TENM4: variants seen among roughly 807,000 people sequenced by gnomAD.
TENM4 encodes the protein teneurin transmembrane protein 4, also known as teneurin-4.
In TENM4, 82 loss-of-function variants were observed where a neutral mutation model predicts 243.3. That is an observed-to-expected ratio of 0.34 (90% CI 0.28 to 0.40). TENM4 has a LOEUF of 0.40. TENM4 is among the 10% of genes least tolerant of loss of function. TENM4 has a pLI of 1.00. For synonymous variants in TENM4, 1,412 were observed against 1,456.3 expected (o/e 0.97, Z 0.69); for missense variants, 3,138 against 3,673.3 (o/e 0.85, Z 3.77).
Position 79,213,918 on chromosome 11 carries a change from T to C in TENM4, c.-163+1890A>G, listed in dbSNP as rs1405427362. ...GGTTGTGGGAGTCAAATGAGATGCA[T>C]CATTCAACTACTTGGCACAGTGCCT... On this transcript the variant is annotated intron_variant, in intron 3 of 33. Coordinates refer to ENST00000278550, the MANE Select transcript of TENM4 (RefSeq NM_001098816.3). Among the ~76,000 whole-genome samples the C allele has an allele frequency of 4.6e-5, 7 of 152,264 alleles. No individual in the cohort carries two copies. In the East Asian group the frequency reaches 9.6e-4, roughly 21 times the overall value.
At chr11:79,186,551 G>A (rs749863100) in intron 3 of TENM4, among the ~76,000 whole-genome samples, 3 of 152,182 alleles carry the variant, frequency 2.0e-5, no homozygotes, top group Non-Finnish European at 2.9e-5. Flanking sequence ...TCTTCTTACT[G>A]TAATGCCTAA....
intron 6 of TENM4, among the ~76,000 whole-genome samples, chr11:78,982,386 T>C (rs929893695): frequency 6.6e-6 from 1 of 152,230 alleles, no homozygotes; most frequent in Admixed American, 6.5e-5. Context: ...GGAGTTGTCC[T>C]CTTCCTCAGG....
chr11:79,079,658 A>G (rs1429853778), intron 4 of TENM4, among the ~76,000 whole-genome samples: 1 of 152,052 alleles, frequency 6.6e-6, no homozygotes, highest in East Asian at 1.9e-4. Context: ...GGTGAAACCC[A>G]TCTCTACGAA....
intron 6 of TENM4, among the ~76,000 whole-genome samples, chr11:79,004,119 C>T (rs919333640): frequency 1.3e-5 from 2 of 152,082 alleles, no homozygotes; most frequent in African/African-American, 2.4e-5. Context: ...TCATCCAACA[C>T]CGGAGAACTC....
At chr11:78,718,093 G>C (rs780754240) in intron 25 of TENM4, among the ~76,000 whole-genome samples, 76 of 152,140 alleles carry the variant, frequency 5.0e-4, no homozygotes, top group Non-Finnish European at 5.6e-4. Flanking sequence ...ACTGGGAGTG[G>C]CTGGGACAGT....
chr11:79,316,815 A>G (rs906183760), intron 1 of TENM4, among the ~76,000 whole-genome samples: 2 of 152,146 alleles, frequency 1.3e-5, no homozygotes, highest in South Asian at 2.1e-4. Flanking sequence ...CCCACCACCA[A>G]CCAAAAAATT....
At chr11:79,348,139 CA>C (rs746733294) in intron 1 of TENM4, among the ~76,000 whole-genome samples, 1 of 152,276 alleles carries the variant, frequency 6.6e-6, no homozygotes, top group Non-Finnish European at 1.5e-5. Context: ...TGGACAAAAC[CA>C]TTTTTTGAGC....
chr11:78,859,479 A>G (rs551200319), intron 10 of TENM4, among the ~76,000 whole-genome samples: 1 of 152,374 alleles, frequency 6.6e-6, no homozygotes, highest in Admixed American at 6.5e-5. Flanking sequence ...ATATGCAATC[A>G]TGTCTATAAA....
At chr11:78,712,880 T>C (rs1164576648) in intron 25 of TENM4, among the ~76,000 whole-genome samples, 166 bp from the exon 26 acceptor site, 1 of 152,180 alleles carries the variant, frequency 6.6e-6, no homozygotes, top group Non-Finnish European at 1.5e-5. Flanking sequence ...ACCTCAGTCA[T>C]TGGCTTAACT....
At chr11:79,427,352 A>T (rs1264198075) in intron 1 of TENM4, among the ~76,000 whole-genome samples, 1 of 152,250 alleles carries the variant, frequency 6.6e-6, no homozygotes, top group Non-Finnish European at 1.5e-5. Context: ...GGTGGTGAGA[A>T]ATGGAATACA....
At chr11:79,394,351 G>A (rs1365686318) in intron 1 of TENM4, among the ~76,000 whole-genome samples, 2 of 152,174 alleles carry the variant, frequency 1.3e-5, no homozygotes, top group Non-Finnish European at 2.9e-5. Context: ...AGAAGCACAA[G>A]GGGAGAGAAC....
chr11:79,427,254 C>A (rs577488373), intron 1 of TENM4, among the ~76,000 whole-genome samples: 4 of 152,152 alleles, frequency 2.6e-5, no homozygotes, highest in African/African-American at 9.7e-5. Context: ...GCTGCATTAT[C>A]TTTGACCTAG....
chr11:78,991,911 G>T (rs1858056661), intron 6 of TENM4, among the ~76,000 whole-genome samples: 1 of 152,104 alleles, frequency 6.6e-6, no homozygotes, highest in Non-Finnish European at 1.5e-5. Context: ...GAACAGGAGG[G>T]GTGGCAGGAA....
intron 6 of TENM4, among the ~76,000 whole-genome samples, chr11:79,010,672 GACTT>G (rs895320626): frequency 1.3e-5 from 2 of 152,132 alleles, no homozygotes; most frequent in African/African-American, 4.8e-5. Context: ...GATCTTGTGA[GACTT>G]ACTATCACGG....
intron 7 of TENM4, among the ~76,000 whole-genome samples, chr11:78,900,669 A>G (rs1322237051): frequency 6.6e-6 from 1 of 152,128 alleles, no homozygotes; most frequent in Admixed American, 6.5e-5. Context: ...TCTTATCCCA[A>G]TTTATAGATG....
intron 18 of TENM4, among the ~76,000 whole-genome samples, chr11:78,760,554 G>C (rs1321113002): frequency 6.6e-6 from 1 of 152,230 alleles, no homozygotes; most frequent in Non-Finnish European, 1.5e-5. Context: ...ATTTTCTAGA[G>C]AGGAACTTTT....
At chr11:78,709,683 C>T (rs1225132650) in intron 26 of TENM4, among the ~76,000 whole-genome samples, 1 of 152,146 alleles carries the variant, frequency 6.6e-6, no homozygotes, top group Non-Finnish European at 1.5e-5. Flanking sequence ...TTGACAAGCA[C>T]CTTGGGTGAT....
rs1858540257 is a variant in TENM4, at chr11:79,405,104, T to G, written c.-321+35405A>C. On this transcript the variant is annotated intron_variant, in intron 1 of 33. Coordinates refer to ENST00000278550, the MANE Select transcript of TENM4 (RefSeq NM_001098816.3). Reference sequence around the variant, plus strand: ...TTACATTTTTTACAGCTTGACTCTTTGGTTTAGTAAATTGTTATGCCTTTC... The same window carrying G: ...TTACATTTTTTACAGCTTGACTCTTGGGTTTAGTAAATTGTTATGCCTTTC... 3.3e-5 allele frequency among the ~76,000 whole-genome samples: 5 copies of G among 152,324 alleles called. No homozygotes were observed. The South Asian group carries it at 1.0e-3, about 32-fold the overall frequency.
At chr11:79,229,994 C>CTTT (rs60636115) in intron 2 of TENM4, among the ~76,000 whole-genome samples, 191 of 132,664 alleles carry the variant, frequency 1.4e-3, no homozygotes, top group African/African-American at 5.2e-3. Flanking sequence ...GTTTGGCTAA[C>CTTT]TTTTTTTTTT....
Sources: allele counts gnomAD v4.1 joint callset (sites outside exome capture counted in the v4.1 genomes callset), GRCh38; gene constraint gnomAD v4.1.1; transcripts MANE v1.5; gene names NCBI Gene and HGNC (gene_info 2026-07-23, HGNC 2026-07-21).